The following KDR variants were observed in gnomAD, a reference collection of about 807,000 sequenced individuals.
KDR encodes vascular endothelial growth factor receptor 2.
In KDR, 43 loss-of-function variants were observed where a neutral mutation model predicts 160.9. That is an observed-to-expected ratio of 0.27 (90% CI 0.21 to 0.34). KDR has a LOEUF of 0.34. Among genes scored for constraint, KDR ranks in the 10% least tolerant of loss-of-function variants. KDR has a pLI of 1.00. For missense variants in KDR, 1,469 were observed against 1,666.4 expected, an observed-to-expected ratio of 0.88 and a Z score of 2.06; for synonymous variants, 617 against 600.1, an observed-to-expected ratio of 1.03 and a Z score of -0.41.
intron 27 of KDR, among the ~76,000 whole-genome samples, chr4:55,086,568 T>A (rs759100317): frequency 8.5e-5 from 13 of 152,228 alleles, no homozygotes; most frequent in Non-Finnish European, 1.9e-4. Context: ...AGTGTCATGA[T>A]GTGGGCAACA....
At chr4:55,096,415 T>G in intron 18 of KDR, 73 bp from the exon 19 acceptor site, 4 of 1,009,718 alleles carry the variant, frequency 4.0e-6, no homozygotes, top group Non-Finnish European at 6.2e-6. Context: ...CCTCCCTCCC[T>G]GCATGCCACT....
At chr4:55,111,428 T>G (rs1720579411) in intron 7 of KDR, among the ~76,000 whole-genome samples, 1 of 152,166 alleles carries the variant, frequency 6.6e-6, no homozygotes, top group African/African-American at 2.4e-5. Flanking sequence ...TCCACTCTTT[T>G]TCTCTTATAC....
chr4:55,093,046 A>G (rs904764926), intron 21 of KDR, among the ~76,000 whole-genome samples: 2 of 152,204 alleles, frequency 1.3e-5, no homozygotes, highest in Non-Finnish European at 2.9e-5. Context: ...TTTGTCATGT[A>G]CCCAGAGGGA....
Position 55,113,485 on chromosome 4 carries a change from A to T in KDR, c.799-4T>A. On this transcript the variant is annotated splice_polypyrimidine_tract_variant and splice_region_variant and intron_variant, in intron 6 of 29. Transcript: ENST00000263923. Reference sequence around the variant, plus strand: ...TTACAAGTTTCTTATGCTGATGCTGAAAAAAAGAGTTGACTGAACTTCCAA... The same window carrying T: ...TTACAAGTTTCTTATGCTGATGCTGTAAAAAAGAGTTGACTGAACTTCCAA... 1 of 1,613,164 alleles carries T rather than the reference A, an allele frequency of 6.2e-7. No individual in the cohort carries two copies. Among genetic ancestry groups the T allele is most frequent in the Non-Finnish European group, 8.5e-7 (1 of 1,179,226 alleles).
chr4:55,095,034 T>C, intron 20 of KDR, 79 bp from the exon 21 acceptor site: 1 of 1,362,034 alleles, frequency 7.3e-7, no homozygotes, highest in Non-Finnish European at 1.0e-6. Flanking sequence ...TAAAATGTAG[T>C]AAACCATGGA....
intron 15 of KDR, among the ~76,000 whole-genome samples, chr4:55,100,628 C>A (rs1389173383): frequency 6.6e-6 from 1 of 152,136 alleles, no homozygotes; most frequent in African/African-American, 2.4e-5. Flanking sequence ...TTGGAAATGA[C>A]AAAACCGCCA....
chr4:55,116,649 A>G (rs1205795788), intron 3 of KDR, among the ~76,000 whole-genome samples: 1 of 152,170 alleles, frequency 6.6e-6, no homozygotes, highest in Non-Finnish European at 1.5e-5. Flanking sequence ...TAATTAAACC[A>G]CAGGGGACAA....
At chr4:55,082,078 G>A (rs774368862) in intron 28 of KDR, 37 bp from the exon 29 acceptor site, 1 of 1,368,018 alleles carries the variant, frequency 7.3e-7, no homozygotes, top group South Asian at 1.2e-5. Flanking sequence ...AGTTAATTGA[G>A]CATATAAAAT....
intron 1 of KDR, 80 bp from the exon 2 acceptor site, chr4:55,121,270 C>T (rs998499692): frequency 5.9e-5 from 56 of 951,418 alleles, no homozygotes; most frequent in Admixed American, 1.6e-4. Context: ...ACAATGCATA[C>T]TCTATACTTT....
chr4:55,112,254 C>T (rs1230754451), intron 7 of KDR, among the ~76,000 whole-genome samples: 2 of 152,112 alleles, frequency 1.3e-5, no homozygotes, highest in Admixed American at 6.5e-5. Flanking sequence ...CCCTCCTCTT[C>T]CCCCTTTTCC....
At chr4:55,097,453 A>G (rs1363149380) in intron 18 of KDR, among the ~76,000 whole-genome samples, 1 of 152,164 alleles carries the variant, frequency 6.6e-6, no homozygotes, top group Non-Finnish European at 1.5e-5. Flanking sequence ...GGTGAAAGCC[A>G]TTCCCAACTT....
chr4:55,094,023 A>G (rs575444190), intron 21 of KDR, among the ~76,000 whole-genome samples: 22 of 151,558 alleles, frequency 1.5e-4, no homozygotes, highest in South Asian at 6.2e-4. Context: ...AACATGGTGA[A>G]ACCCCATCTT....
chr4:55,124,671 AG>A (rs1720984571), intron 1 of KDR, among the ~76,000 whole-genome samples: 1 of 139,356 alleles, frequency 7.2e-6, no homozygotes, highest in Non-Finnish European at 1.6e-5. Context: ...AAGGAAAAAA[AG>A]TTTCTCTCCG....
At chr4:55,098,403 G>T in intron 16 of KDR, 131 bp from the exon 17 acceptor site, 1 of 1,102,848 alleles carries the variant, frequency 9.1e-7, no homozygotes, top group Non-Finnish European at 1.4e-6. Flanking sequence ...GTTTGAGAGT[G>T]GTCCTATTAT....
chr4:55,117,581 T>A (rs1222037995), intron 3 of KDR, among the ~76,000 whole-genome samples: 2 of 152,216 alleles, frequency 1.3e-5, no homozygotes, highest in Non-Finnish European at 2.9e-5. Context: ...GCACTGACCA[T>A]ATTACACTAC....
At chr4:55,110,884 A>G in intron 7 of KDR, 116 bp from the exon 8 acceptor site, 1 of 791,594 alleles carries the variant, frequency 1.3e-6, no homozygotes, top group Non-Finnish European at 2.1e-6. Context: ...TGCAGTTCCA[A>G]GATTTCCTGT....
chr4:55,102,208 GC>G (rs1720328940), intron 14 of KDR, among the ~76,000 whole-genome samples, 153 bp downstream of exon 14: 1 of 152,048 alleles, frequency 6.6e-6, no homozygotes, highest in Non-Finnish European at 1.5e-5. Context: ...ATTCAACAGG[GC>G]CCCATACTCC....
rs185613599 is a variant in KDR, at chr4:55,095,212, G to A, written c.2818-257C>T. Among the ~76,000 whole-genome samples the A allele has an allele frequency of 2.0e-3, 298 of 152,204 alleles. 3 individuals are homozygous for A. Among genetic ancestry groups the A allele is most frequent in the Non-Finnish European group, 3.0e-3 (202 of 68,006 alleles). Reference sequence around the variant, plus strand: ...AATGCCACATTTTGAGTTGCATTCAGACACACTTTCAGCATTAGGATGCTC... The same window carrying A: ...AATGCCACATTTTGAGTTGCATTCAAACACACTTTCAGCATTAGGATGCTC... On this transcript the variant is annotated intron_variant, in intron 20 of 29. Transcript: ENST00000263923.
chr4:55,113,552 CAG>C, intron 6 of KDR, 71 bp from the exon 7 acceptor site: 1 of 1,376,096 alleles, frequency 7.3e-7, no homozygotes, highest in African/African-American at 1.4e-5. Context: ...TAGTAACACA[CAG>C]AATTAAATCT....
Sources: allele counts gnomAD v4.1 joint callset (sites outside exome capture counted in the v4.1 genomes callset), GRCh38; gene constraint gnomAD v4.1.1; transcripts MANE v1.5; gene names NCBI Gene and HGNC (gene_info 2026-07-23, HGNC 2026-07-21).